FGFR2: variants seen among roughly 807,000 people sequenced by gnomAD.
FGFR2 encodes BEK fibroblast growth factor receptor.
In FGFR2, 19 loss-of-function variants were observed where a neutral mutation model predicts 95.9. The observed-to-expected ratio is 0.20, with a 90% CI of 0.14 to 0.29. The LOEUF (loss-of-function observed/expected upper bound fraction) is 0.29. Among genes scored for constraint, FGFR2 ranks in the 10% least tolerant of loss-of-function variants. The pLI is 1.00. For missense variants in FGFR2, 707 were observed against 1,056.9 expected (o/e 0.67, Z 4.59); for synonymous variants, 392 against 393.3 (o/e 1.00, Z 0.04).
At chr10:121,491,022 C>T (rs182009699) in intron 13 of FGFR2, among the ~76,000 whole-genome samples, 13 of 152,270 alleles carry the variant, frequency 8.5e-5, no homozygotes, top group African/African-American at 2.9e-4. Context: ...TTCCAAGCCC[C>T]GGGCCAAACT....
intron 6 of FGFR2, among the ~76,000 whole-genome samples, chr10:121,525,628 A>AGAGAGG (rs1447777063): frequency 3.9e-4 from 2 of 5,190 alleles, no homozygotes; most frequent in Non-Finnish European, 0.036. Flanking sequence ...ATTGAGGGAG[A>AGAGAGG]GAGAGAGAGA....
chr10:121,598,272 C>T lies in FGFR2; in HGVS notation c.-461G>A, dbSNP rs1590148214. ...TCAGAGCGCGCAGGCAAGCTGCGGC[C>T]TCGGGGCCCCCGGGGCTCGCGGCCG... On this transcript the variant is annotated 5_prime_UTR_variant, in exon 1 of 18. Coordinates refer to ENST00000358487, the MANE Select transcript of FGFR2 (RefSeq NM_000141.5). 1 of 387,512 alleles carries T rather than the reference C, an allele frequency of 2.6e-6. No individual in the cohort carries two copies. The highest frequency in any genetic ancestry group is 4.5e-5 in the Admixed American group (1 of 22,230). The allele number at this position is 387,512 out of a possible 1,614,324, so 24.0% of individuals were successfully genotyped here. A position where few individuals can be genotyped will look rare whatever the true frequency, so the allele number is the denominator to read the frequency against.
At chr10:121,488,139 A>C (rs1366535720) in intron 13 of FGFR2, 26 bp from the exon 14 acceptor site, 1 of 1,609,800 alleles carries the variant, frequency 6.2e-7, no homozygotes, top group African/African-American at 1.4e-5. Context: ...AAGCAAGAGA[A>C]ATAACTAATT....
chr10:121,549,629 T>G (rs1855075472), intron 5 of FGFR2, among the ~76,000 whole-genome samples: 2 of 152,146 alleles, frequency 1.3e-5, no homozygotes, highest in Admixed American at 1.3e-4. Context: ...GATCCTGCTC[T>G]CTCTCTCTCT....
chr10:121,487,519 T>C, intron 14 of FGFR2, 95 bp from the exon 15 acceptor site: 3 of 997,480 alleles, frequency 3.0e-6, no homozygotes, highest in Non-Finnish European at 4.7e-6. Context: ...AGAGCTGATA[T>C]TCTCGGTTTT....
intron 2 of FGFR2, among the ~76,000 whole-genome samples, chr10:121,589,113 G>A (rs1862252158): frequency 6.6e-6 from 1 of 152,198 alleles, no homozygotes; most frequent in Non-Finnish European, 1.5e-5. Context: ...CCAGTACAGT[G>A]GAGAGTAGCA....
rs569964727 is a variant in FGFR2 at position 121,479,300 on chromosome 10, C to T, written c.*557G>A. ...GCAAAAGTATTTTTCCACCTCTGCTCGGTGAAAATTAAGAAATTATGTGTA... is the reference window on the plus strand; with the variant it reads ...GCAAAAGTATTTTTCCACCTCTGCTTGGTGAAAATTAAGAAATTATGTGTA... On this transcript the variant is annotated 3_prime_UTR_variant, in exon 18 of 18. Transcript: ENST00000358487. The T allele has an allele frequency of 7.1e-5, 18 of 252,412 alleles. No homozygotes were observed. The highest frequency in any genetic ancestry group is 1.8e-4 in the South Asian group (1 of 5,686). The allele number at this position is 252,412 out of a possible 1,614,324, so 15.6% of individuals were successfully genotyped here. A position where few individuals can be genotyped will look rare whatever the true frequency, so the allele number is the denominator to read the frequency against.
chr10:121,518,943 G>T lies in FGFR2; in HGVS notation c.939+1036C>A. ...ACAAACTCCATTACGTCTAAACAGCGGCATTAAAGGGCTGCGGATTTTAAA... is the reference window on the plus strand; with the variant it reads ...ACAAACTCCATTACGTCTAAACAGCTGCATTAAAGGGCTGCGGATTTTAAA... On this transcript the variant is annotated intron_variant, in intron 7 of 17. Coordinates refer to ENST00000358487, the MANE Select transcript of FGFR2 (RefSeq NM_000141.5). This position sits in a 1 kb window ranked among gnomAD's most constrained non-coding sequence, Gnocchi z 4.0. 1 of 1,248,770 alleles carries T rather than the reference G, an allele frequency of 8.0e-7. No homozygotes were observed. The highest frequency in any genetic ancestry group is 1.2e-6 in the Non-Finnish European group (1 of 862,074). The allele number at this position is 1,248,770 out of a possible 1,614,324, so 77.4% of individuals were successfully genotyped here.
chr10:121,597,767 G>A (rs1863679170), intron 1 of FGFR2, among the ~76,000 whole-genome samples, 195 bp downstream of exon 1: 1 of 152,236 alleles, frequency 6.6e-6, no homozygotes, highest in South Asian at 2.1e-4. Flanking sequence ...AGAACTTCCA[G>A]AACGCCGGCC....
At chr10:121,523,227 A>G (rs1007036834) in intron 6 of FGFR2, among the ~76,000 whole-genome samples, 6 of 152,202 alleles carry the variant, frequency 3.9e-5, no homozygotes, top group African/African-American at 4.8e-5. Context: ...TTGCCCATGT[A>G]GGCTGAGCAA....
At chr10:121,566,694 C>A (rs1051916366) in intron 2 of FGFR2, among the ~76,000 whole-genome samples, 10 of 152,126 alleles carry the variant, frequency 6.6e-5, no homozygotes, top group Non-Finnish European at 1.3e-4. Flanking sequence ...TTTGCCAGCT[C>A]ATGGGATGCA....
chr10:121,498,969 C>T (rs534696246), intron 11 of FGFR2, among the ~76,000 whole-genome samples: 2 of 152,208 alleles, frequency 1.3e-5, no homozygotes, highest in Admixed American at 6.5e-5. Flanking sequence ...GCGAGGAGAC[C>T]GAGGGTAGGG....
At chr10:121,562,452 C>T (rs1460960519) in intron 4 of FGFR2, among the ~76,000 whole-genome samples, 1 of 151,952 alleles carries the variant, frequency 6.6e-6, no homozygotes, top group African/African-American at 2.4e-5. Flanking sequence ...ACTTGGCTAA[C>T]CTATGTATTT....
At chr10:121,534,878 T>C (rs1287131536) in intron 6 of FGFR2, among the ~76,000 whole-genome samples, 3 of 152,178 alleles carry the variant, frequency 2.0e-5, no homozygotes, top group African/African-American at 7.2e-5. Flanking sequence ...TCGTAACTAA[T>C]GTAGTGAGCT....
rs142755962 is a variant in FGFR2, at chr10:121,524,146, A to ACACACACCCCC, written c.749-3978_749-3977insGGGGGTGTGTG. ...CACACACACACACACACACACACACACCCCAAGTTTGCAATGGTTTAATGT... is the reference window on the plus strand; with the variant it reads ...CACACACACACACACACACACACACACACACACCCCCCCCCAAGTTTGCAATGGTTTAATGT... On this transcript the variant is annotated intron_variant, in intron 6 of 17. Transcript: ENST00000358487. Among the ~76,000 whole-genome samples the ACACACACCCCC allele has an allele frequency of 1.3e-3, 172 of 136,924 alleles. 1 individual carries two copies. The highest frequency in any genetic ancestry group is 2.1e-3 in the Non-Finnish European group (134 of 64,580). The allele number at this position is 136,924 out of a possible 152,430, so 89.8% of individuals were successfully genotyped here. A position where few individuals can be genotyped will look rare whatever the true frequency, so the allele number is the denominator to read the frequency against.
chr10:121,483,232 T>C lies in FGFR2; in HGVS notation c.2301+466A>G, dbSNP rs1420605973. On this transcript the variant is annotated intron_variant, in intron 17 of 17. Coordinates refer to ENST00000358487, the MANE Select transcript of FGFR2 (RefSeq NM_000141.5). ...ATATAGCATTACCAACAGGATCACA[T>C]AGGATAGTACTGTGGTAACAGAAGC... Among the ~76,000 whole-genome samples the C allele has an allele frequency of 2.6e-5, 4 of 152,166 alleles. 1 individual carries two copies. The highest frequency in any genetic ancestry group is 4.2e-4 in the South Asian group (2 of 4,818).
At chr10:121,558,612 T>G (rs184714434) in intron 4 of FGFR2, among the ~76,000 whole-genome samples, 206 of 148,616 alleles carry the variant, frequency 1.4e-3, no homozygotes, top group African/African-American at 4.7e-3. Flanking sequence ...AGTTTTTTGT[T>G]TTTTTTTTTT....
Position 121,592,601 on chromosome 10 carries a change from G to A in FGFR2, c.109+1108C>T, listed in dbSNP as rs189063902. Among the ~76,000 whole-genome samples, 19 of 152,240 alleles carry A rather than the reference G, an allele frequency of 1.2e-4. No individual in the cohort carries two copies. In the East Asian group the frequency reaches 2.9e-3, roughly 23 times the overall value. On this transcript the variant is annotated intron_variant, in intron 2 of 17. Coordinates refer to ENST00000358487, the MANE Select transcript of FGFR2 (RefSeq NM_000141.5). ...TCTCTCAGAACTCTCATCTCAGATG[G>A]ACGCAACCCTCCTTCCTAAACTGTC...
rs35668561 is a variant in FGFR2 at position 121,556,396 on chromosome 10, A to ACTCTCTCTCTCTCTCTCTCTCT, written c.455-4959_455-4938dup. Among the ~76,000 whole-genome samples, 25 of 128,138 alleles carry ACTCTCTCTCTCTCTCTCTCTCT rather than the reference A, an allele frequency of 2.0e-4. 1 individual carries two copies. Among genetic ancestry groups the ACTCTCTCTCTCTCTCTCTCTCT allele is most frequent in the African/African-American group, 7.8e-4 (22 of 28,138 alleles). The allele number at this position is 128,138 out of a possible 152,430, so 84.1% of individuals were successfully genotyped here. A position where few individuals can be genotyped will look rare whatever the true frequency, so the allele number is the denominator to read the frequency against. ...TGCTGACACCTAAGGTTTATAATCT[A>ACTCTCTCTCTCTCTCTCTCTCT]CTCTCTCTCTCTCTCTCTCTCTCTC... On this transcript the variant is annotated intron_variant, in intron 4 of 17. Coordinates refer to ENST00000358487, the MANE Select transcript of FGFR2 (RefSeq NM_000141.5).
Sources: allele counts gnomAD v4.1 joint callset (sites outside exome capture counted in the v4.1 genomes callset), GRCh38; gene constraint gnomAD v4.1.1; non-coding constraint Gnocchi (gnomAD v3.1); transcripts MANE v1.5; gene names NCBI Gene and HGNC (gene_info 2026-07-23, HGNC 2026-07-21).